USP31: variants seen among roughly 807,000 people sequenced by gnomAD.
USP31 encodes the protein ubiquitin specific peptidase 31.
Under a neutral mutation model 119.4 loss-of-function variants are expected in USP31, and 44 were observed. The observed-to-expected ratio is 0.37, with a 90% CI of 0.29 to 0.47. USP31 has a LOEUF of 0.47. Ranked by LOEUF, USP31 falls within the 20% of genes least tolerant of loss-of-function variation. The probability of loss-of-function intolerance (pLI) is 0.99; values close to 1 mark genes in which losing one functional copy is unlikely to be tolerated. For missense variants in USP31, 1,643 were observed against 1,730.2 expected (o/e 0.95, Z 0.89); for synonymous variants, 749 against 705.6 (o/e 1.06, Z -0.97).
chr16:23,148,947 C>T lies in USP31; in HGVS notation c.324G>A (p.Pro108=). ...PAAAPTPPPC[P]PPPASPAPPA... ...GCGGCGCGGGAGAGGCGGGCGGCGGCGGGCACGGCGGCGGCGTGGGCGCGG... is the reference window on the plus strand; with the variant it reads ...GCGGCGCGGGAGAGGCGGGCGGCGGTGGGCACGGCGGCGGCGTGGGCGCGG... Residue 108 remains proline, a synonymous_variant, in exon 1 of 16, where the codon CCG becomes CCA. Coordinates refer to ENST00000219689, the MANE Select transcript of USP31 (RefSeq NM_020718.4). The T allele has an allele frequency of 1.9e-6, 2 of 1,050,424 alleles. No individual in the cohort carries two copies. Among genetic ancestry groups the T allele is most frequent in the Non-Finnish European group, 2.3e-6 (2 of 871,700 alleles). The allele number at this position is 1,050,424 out of a possible 1,614,324, so 65.1% of individuals were successfully genotyped here.
At chr16:23,128,846 A>C (rs1902944837) in intron 1 of USP31, among the ~76,000 whole-genome samples, 1 of 152,332 alleles carries the variant, frequency 6.6e-6, no homozygotes, top group South Asian at 2.1e-4. Flanking sequence ...TCTAGCTCTA[A>C]CTACCATTTT....
Position 23,149,095 on chromosome 16 carries a change from C to G in USP31, c.176G>C (p.Arg59Pro), listed in dbSNP as rs1461937823. 7.9e-7 allele frequency: 1 copy of G among 1,272,034 alleles called. No individual in the cohort carries two copies. Among genetic ancestry groups the G allele is most frequent in the Non-Finnish European group, 1.0e-6 (1 of 985,888 alleles). 78.8% of individuals were successfully genotyped at this position (1,272,034 alleles called of 1,614,324 possible). ...PSSPSSPSSA[R>P]SVGSFMSRVL... ...GCGGCTCATGAAGCTGCCCACCGAG[C>G]GTGCAGAGGAGGGCGAGGAGGGCGA... is the stretch of plus-strand genomic sequence containing the variant. Residue 59 changes from arginine (R) to proline (P), a missense_variant, in exon 1 of 16, where the codon CGC (arginine) becomes CCC (proline). Transcript: ENST00000219689.
chr16:23,111,044 C>T (rs1054675681), intron 1 of USP31, among the ~76,000 whole-genome samples: 5 of 152,232 alleles, frequency 3.3e-5, no homozygotes, highest in Non-Finnish European at 5.9e-5. Context: ...AGGAGAATGG[C>T]GTGAACCCGG....
intron 1 of USP31, among the ~76,000 whole-genome samples, chr16:23,120,991 G>C (rs6497648): frequency 0.28 from 42,647 of 152,020 alleles, 6,326 homozygotes; most frequent in Admixed American, 0.35. Context: ...TTTATTATAA[G>C]AGACCTAAAA....
At chr16:23,103,971 T>C (rs1038717190) in intron 5 of USP31, among the ~76,000 whole-genome samples, 6 of 152,014 alleles carry the variant, frequency 3.9e-5, no homozygotes, top group South Asian at 2.1e-4. Context: ...AAACAAAAGA[T>C]GGAGAGGAGA....
chr16:23,100,957 G>A (rs1673250215), intron 6 of USP31, among the ~76,000 whole-genome samples: 1 of 152,154 alleles, frequency 6.6e-6, no homozygotes. Flanking sequence ...CGAGGAAGGA[G>A]AGAAAATGGA....
intron 6 of USP31, among the ~76,000 whole-genome samples, chr16:23,098,362 T>C (rs1362692583): frequency 6.6e-6 from 1 of 152,092 alleles, no homozygotes; most frequent in Non-Finnish European, 1.5e-5. Context: ...TGCTCATGGA[T>C]AGGAAGAATC....
At position 23,106,627 on chromosome 16, in the gene USP31, C is replaced by G. The variant is rs191096869; in HGVS notation, c.772-140G>C. 9 of 817,300 alleles carry G rather than the reference C, an allele frequency of 1.1e-5. No homozygotes were observed. The Admixed American group carries it at 2.5e-4, about 23-fold the overall frequency. The allele number at this position is 817,300 out of a possible 1,614,324, so 50.6% of individuals were successfully genotyped here. A position where few individuals can be genotyped will look rare whatever the true frequency, so the allele number is the denominator to read the frequency against. ...CAGATACTTCAGTGACGGGCACCTG[C>G]TAAAGGAGCCAGAACACAGCAGTAG... On this transcript the variant is annotated intron_variant, in intron 2 of 15. Transcript: ENST00000219689.
At chr16:23,097,483 G>A (rs1901662733) in intron 6 of USP31, among the ~76,000 whole-genome samples, 1 of 152,192 alleles carries the variant, frequency 6.6e-6, no homozygotes, top group African/African-American at 2.4e-5. Context: ...TATGAGGCCA[G>A]CATCATCCTG....
At chr16:23,070,862 A>C (rs1400266820) in intron 15 of USP31, among the ~76,000 whole-genome samples, 1 of 152,242 alleles carries the variant, frequency 6.6e-6, no homozygotes, top group African/African-American at 2.4e-5. Context: ...GAGCCTAAGA[A>C]ACAGGCTCTA....
chr16:23,119,899 G>A (rs1362908146), intron 1 of USP31, among the ~76,000 whole-genome samples: 2 of 152,158 alleles, frequency 1.3e-5, no homozygotes, highest in Non-Finnish European at 2.9e-5. Flanking sequence ...TAAAGGGGGT[G>A]TTCTTCACCT....
intron 6 of USP31, among the ~76,000 whole-genome samples, chr16:23,095,016 G>T (rs1901540073): frequency 6.6e-6 from 1 of 152,190 alleles, no homozygotes; most frequent in Non-Finnish European, 1.5e-5. Context: ...TTGATGAGTT[G>T]ACAGAAGTAG....
chr16:23,068,301 G>A lies in USP31; in HGVS notation c.3804C>T (p.Asp1268=), dbSNP rs763450673. The A allele has an allele frequency of 3.3e-5, 53 of 1,613,782 alleles. 1 individual carries two copies. The highest frequency in any genetic ancestry group is 2.7e-4 in the Admixed American group (16 of 59,992). The change falls in exon 16 of 16, where the codon GAC becomes GAT. Residue 1268 remains aspartate (D), a synonymous_variant. Coordinates refer to ENST00000219689, the MANE Select transcript of USP31 (RefSeq NM_020718.4). ...SVKSVCKNTG[D]DEAERGHQPP... is the part of the protein sequence containing the mutation. Reference sequence around the variant, plus strand: ...GCTGGTGGCCTCTCTCTGCCTCGTCGTCCCCGGTGTTCTTACAGACAGACT... The same window carrying A: ...GCTGGTGGCCTCTCTCTGCCTCGTCATCCCCGGTGTTCTTACAGACAGACT...
intron 1 of USP31, among the ~76,000 whole-genome samples, chr16:23,145,510 T>C (rs1356849590): frequency 1.3e-5 from 2 of 152,152 alleles, no homozygotes; most frequent in African/African-American, 2.4e-5. Flanking sequence ...CCAATTGACA[T>C]GGTTATAGCC....
chr16:23,069,014 C>T lies in USP31; in HGVS notation c.3091G>A (p.Gly1031Ser). 1 of 1,613,882 alleles carries T rather than the reference C, an allele frequency of 6.2e-7. No individual in the cohort carries two copies. The highest frequency in any genetic ancestry group is 1.1e-5 in the South Asian group (1 of 91,068). The change falls in exon 16 of 16, where the codon GGC becomes AGC. Residue 1031 changes from glycine (G) to serine (S), a missense_variant. By Grantham distance (56) the Gly-to-Ser change is moderately conservative. Transcript: ENST00000219689. The stretch of plus-strand genomic sequence containing the variant: ...AAGCTTTTCTCTGGCTCAGAAGTGC[C>T]TTTGGAACTGGGGGATCTCTTAGTT... ...STTKRSPSSK[G>S]TSEPEKSLRK...
rs1903628951 is a variant in USP31 at position 23,149,034 on chromosome 16, G to A, written c.237C>T (p.Ser79=). ...CGCGGTCTGGGGCGGCGCCCTCAGA[G>A]CTAAGGTGCGAGAGCGTGGACAGCG... is the stretch of plus-strand genomic sequence containing the variant. ...LKTLSTLSHL[S]SEGAAPDRGG... Residue 79 remains serine, a synonymous_variant, in exon 1 of 16, where the codon AGC becomes AGT. Transcript: ENST00000219689. 1.6e-6 allele frequency: 2 copies of A among 1,218,916 alleles called. No individual in the cohort carries two copies. Among genetic ancestry groups the A allele is most frequent in the Admixed American group, 3.0e-5 (1 of 33,892 alleles). The allele number at this position is 1,218,916 out of a possible 1,614,324, so 75.5% of individuals were successfully genotyped here. A position where few individuals can be genotyped will look rare whatever the true frequency, so the allele number is the denominator to read the frequency against.
intron 1 of USP31, among the ~76,000 whole-genome samples, chr16:23,142,296 G>C (rs1441837747): frequency 6.6e-6 from 1 of 152,180 alleles, no homozygotes; most frequent in Non-Finnish European, 1.5e-5. Flanking sequence ...TATACGTGTT[G>C]AAACAGTCTG....
rs757793226 is a variant in USP31 at position 23,072,214 on chromosome 16, A to G, written c.2336-17T>C. 1.9e-6 allele frequency: 3 copies of G among 1,600,030 alleles called. No homozygotes were observed. Among genetic ancestry groups the G allele is most frequent in the East Asian group, 2.2e-5 (1 of 44,830 alleles). ...TTGTGGAGCCTGCAGAGAAGAAAAC[A>G]GGCATAGAGGTCAGGCTGGGGTCCC... is the stretch of plus-strand genomic sequence containing the variant. On this transcript the variant is annotated splice_polypyrimidine_tract_variant and intron_variant, in intron 14 of 15. Transcript: ENST00000219689.
chr16:23,146,445 T>C (rs1447944483), intron 1 of USP31, among the ~76,000 whole-genome samples: 1 of 152,014 alleles, frequency 6.6e-6, no homozygotes, highest in Non-Finnish European at 1.5e-5. Flanking sequence ...AATTGCTTGA[T>C]TGAACACAGG....
Sources: allele counts gnomAD v4.1 joint callset (sites outside exome capture counted in the v4.1 genomes callset), GRCh38; gene constraint gnomAD v4.1.1; transcripts MANE v1.5; gene names NCBI Gene and HGNC (gene_info 2026-07-23, HGNC 2026-07-21).